The following APP variants were observed in gnomAD, a reference collection of about 807,000 sequenced individuals.
APP encodes the protein amyloid beta precursor protein, also known as amyloid-beta precursor protein.
A neutral mutation model predicts 101.4 loss-of-function variants in APP; 31 were observed. The observed-to-expected ratio is 0.31, with a 90% CI of 0.23 to 0.41. The LOEUF (loss-of-function observed/expected upper bound fraction) is 0.41, where lower values mean the gene tolerates loss of function less well. APP is among the 10% of genes least tolerant of loss of function. The pLI, the probability that APP is intolerant of heterozygous loss-of-function variation, is 1.00. For synonymous variants in APP, 366 were observed against 364.4 expected, an observed-to-expected ratio of 1.00 and a Z score of -0.05; for missense variants, 839 against 1,003.7, an observed-to-expected ratio of 0.84 and a Z score of 2.22.
intron 6 of APP, among the ~76,000 whole-genome samples, chr21:26,008,618 C>T (rs1031189807): frequency 1.3e-5 from 2 of 152,150 alleles, no homozygotes; most frequent in Admixed American, 1.3e-4. Context: ...CTATGGCTTA[C>T]AAAATTCCTC....
intron 6 of APP, among the ~76,000 whole-genome samples, chr21:26,014,281 C>A (rs185856481): frequency 2.6e-4 from 39 of 152,194 alleles, no homozygotes; most frequent in Admixed American, 2.3e-3. Flanking sequence ...GTAAAAATCC[C>A]GTTAGTGAAT....
rs1268749833 is a variant in APP, at chr21:26,026,041, A to T, written c.663-3999T>A. On this transcript the variant is annotated intron_variant, in intron 5 of 17. Transcript: ENST00000346798. Reference sequence around the variant, plus strand: ...TTTCCACCACTTCTTCAAATGCTGGACAGACTGTTGTCCTGTGGACTTGTT... The same window carrying T: ...TTTCCACCACTTCTTCAAATGCTGGTCAGACTGTTGTCCTGTGGACTTGTT... Among the ~76,000 whole-genome samples, 3 of 152,264 alleles carry T rather than the reference A, an allele frequency of 2.0e-5. No individual in the cohort carries two copies. In the East Asian group the frequency reaches 5.8e-4, roughly 29 times the overall value.
At chr21:25,943,435 A>G (rs1345511502) in intron 13 of APP, among the ~76,000 whole-genome samples, 1 of 422 alleles carries the variant, frequency 2.4e-3, no homozygotes, top group Admixed American at 0.023. Context: ...TACAGGCGTG[A>G]GCACCGCACC....
At chr21:26,037,313 G>C (rs1601288260) in intron 5 of APP, among the ~76,000 whole-genome samples, 2 of 152,050 alleles carry the variant, frequency 1.3e-5, no homozygotes, top group East Asian at 3.9e-4. Context: ...AGCACTGTAG[G>C]ATGACTACAG....
intron 3 of APP, among the ~76,000 whole-genome samples, chr21:26,079,299 G>A (rs1200816499): frequency 2.6e-5 from 4 of 152,048 alleles, no homozygotes; most frequent in East Asian, 1.9e-4. Flanking sequence ...ATTTACCTCA[G>A]AATAAAAGAG....
chr21:26,061,724 G>C (rs180870869), intron 3 of APP, among the ~76,000 whole-genome samples: 5 of 152,328 alleles, frequency 3.3e-5, no homozygotes, highest in Admixed American at 3.3e-4. Context: ...GGATAATAGT[G>C]AGAACTGACA....
chr21:26,100,251 G>A (rs2062027360), intron 2 of APP, among the ~76,000 whole-genome samples: 1 of 152,174 alleles, frequency 6.6e-6, no homozygotes, highest in South Asian at 2.1e-4. Context: ...GGTCAGTAAA[G>A]CAATCCTTAC....
chr21:25,883,761 C>A (rs1373867214), intron 17 of APP, among the ~76,000 whole-genome samples: 1 of 152,164 alleles, frequency 6.6e-6, no homozygotes, highest in African/African-American at 2.4e-5. Flanking sequence ...TTCGGATAGC[C>A]CCACTTCATG....
chr21:26,006,738 G>A (rs190247589), intron 6 of APP, among the ~76,000 whole-genome samples: 1 of 152,266 alleles, frequency 6.6e-6, no homozygotes, highest in Admixed American at 6.5e-5. Flanking sequence ...TTGTGAAACT[G>A]GCAACCAGAA....
At chr21:26,076,797 C>T (rs1039990629) in intron 3 of APP, among the ~76,000 whole-genome samples, 1 of 152,166 alleles carries the variant, frequency 6.6e-6, no homozygotes, top group Non-Finnish European at 1.5e-5. Flanking sequence ...GGCGCAGTGG[C>T]TCACGCCTGT....
intron 6 of APP, among the ~76,000 whole-genome samples, chr21:26,004,505 G>A (rs1185705967): frequency 4.6e-5 from 7 of 151,914 alleles, no homozygotes; most frequent in African/African-American, 1.7e-4. Flanking sequence ...TGTTAGCCAG[G>A]ATGGTCTCGA....
intron 1 of APP, among the ~76,000 whole-genome samples, chr21:26,139,770 G>A (rs1044240126): frequency 6.6e-6 from 1 of 152,138 alleles, no homozygotes; most frequent in African/African-American, 2.4e-5. Flanking sequence ...GCACACACCT[G>A]TAGTCCCAGC....
At chr21:26,034,848 C>T (rs2045026314) in intron 5 of APP, among the ~76,000 whole-genome samples, 1 of 152,038 alleles carries the variant, frequency 6.6e-6, no homozygotes, top group African/African-American at 2.4e-5. Context: ...AAAAGATAAG[C>T]TCCCTGTACT....
rs1170549430 is a variant in APP, at chr21:26,016,956, G to T, written c.865+4884C>A. On this transcript the variant is annotated intron_variant, in intron 6 of 17. Coordinates refer to ENST00000346798, the MANE Select transcript of APP (RefSeq NM_000484.4). ...GGGGGGCGGGGGGCGGGGGGCGGGG[G>T]GTGCCGCCAAGGTGGGCAGATCATG... Among the ~76,000 whole-genome samples, 6 of 129,562 alleles carry T rather than the reference G, an allele frequency of 4.6e-5. 1 individual carries two copies. The highest frequency in any genetic ancestry group is 9.5e-5 in the Non-Finnish European group (6 of 63,110). 85.0% of individuals were successfully genotyped at this position (129,562 alleles called of 152,430 possible). A position where few individuals can be genotyped will look rare whatever the true frequency, so the allele number is the denominator to read the frequency against.
At chr21:26,111,021 G>T (rs927972719) in intron 2 of APP, among the ~76,000 whole-genome samples, 1 of 91,334 alleles carries the variant, frequency 1.1e-5, no homozygotes, top group Non-Finnish European at 2.2e-5. Context: ...AGACTACAAA[G>T]AATTAAACAA....
chr21:26,156,938 A>G (rs2146362525), intron 1 of APP, among the ~76,000 whole-genome samples: 1 of 152,364 alleles, frequency 6.6e-6, no homozygotes, highest in Non-Finnish European at 1.5e-5. Flanking sequence ...CTAATTTTTC[A>G]TAAATTAACA....
chr21:25,973,276 T>C (rs889178998), intron 11 of APP, among the ~76,000 whole-genome samples: 1 of 152,114 alleles, frequency 6.6e-6, no homozygotes, highest in Non-Finnish European at 1.5e-5. Context: ...TCAGTGTACA[T>C]GGTCTTCCCA....
intron 1 of APP, among the ~76,000 whole-genome samples, chr21:26,150,836 G>GT (rs1251628034): frequency 6.6e-6 from 1 of 152,188 alleles, no homozygotes; most frequent in Non-Finnish European, 1.5e-5. Context: ...TGTTGATAGT[G>GT]TAAGAATTTG....
At chr21:25,952,378 GT>G (rs10671026) in intron 13 of APP, among the ~76,000 whole-genome samples, 5 of 148,862 alleles carry the variant, frequency 3.4e-5, no homozygotes, top group African/African-American at 7.4e-5. Context: ...CCTAATGGCT[GT>G]TTTTTTTTTT....
Sources: gnomAD v4.1 joint callset for allele counts (sites outside exome capture counted in the v4.1 genomes callset) on GRCh38, gnomAD v4.1.1 for gene constraint, MANE v1.5 for transcripts, NCBI Gene and HGNC (gene_info 2026-07-23, HGNC 2026-07-21) for gene names.